The following GPHN variants were observed in gnomAD, a reference collection of about 807,000 sequenced individuals.
The protein encoded by GPHN is gephyrin.
GPHN carries 17 observed loss-of-function variants against 95.5 expected under a neutral mutation model. The ratio of observed to expected loss-of-function variants is 0.18; its 90% CI spans 0.12 to 0.27. The LOEUF is 0.27. Ranked by LOEUF, GPHN falls within the 10% of genes least tolerant of loss-of-function variation. The probability of loss-of-function intolerance (pLI) is 1.00; values close to 1 mark genes in which losing one functional copy is unlikely to be tolerated. For synonymous variants in GPHN, 320 were observed against 322.5 expected (o/e 0.99, Z 0.08); for missense variants, 660 against 978.1 (o/e 0.67, Z 4.34).
chr14:66,571,065 A>G (rs2060669392), intron 1 of GPHN, among the ~76,000 whole-genome samples: 1 of 152,214 alleles, frequency 6.6e-6, no homozygotes, highest in Non-Finnish European at 1.5e-5. Flanking sequence ...TGCTATAAAG[A>G]AATACCCAAG....
At chr14:67,044,479 T>C (rs2074888844) in intron 10 of GPHN, among the ~76,000 whole-genome samples, 1 of 152,154 alleles carries the variant, frequency 6.6e-6, no homozygotes, top group African/African-American at 2.4e-5. Flanking sequence ...AATTCACCAA[T>C]TTTTAGGAAG....
At position 66,548,922 on chromosome 14, in the gene GPHN, A is replaced by C. The variant is rs192131635; in HGVS notation, c.64+40331A>C. Among the ~76,000 whole-genome samples the C allele has an allele frequency of 1.2e-4, 18 of 152,346 alleles. 1 individual carries two copies. The East Asian group carries it at 3.5e-3, about 29-fold the overall frequency. ...ACTTCTGAGGATCTAAGAGAAAATA[A>C]CAAATTTTCATATTTCAGTTAAATT... On this transcript the variant is annotated intron_variant, in intron 1 of 22. Transcript: ENST00000478722.
chr14:67,568,669 C>CAACT, the GPHN span, among the ~76,000 whole-genome samples: 1 of 152,130 alleles, frequency 6.6e-6, no homozygotes, highest in Non-Finnish European at 1.5e-5. Context: ...AAGTTCCAAA[C>CAACT]AACTGGCTTA....
chr14:67,592,810 G>A, the GPHN span: 4 of 839,544 alleles, frequency 4.8e-6, no homozygotes, highest in Non-Finnish European at 7.7e-6. Context: ...TTTTGAGACA[G>A]AGTCTCTCTC....
At chr14:66,611,854 C>T (rs2062795583) in intron 1 of GPHN, among the ~76,000 whole-genome samples, 1 of 152,104 alleles carries the variant, frequency 6.6e-6, no homozygotes, top group Admixed American at 6.6e-5. Context: ...TGCTTCCATA[C>T]TATTCTTCAC....
chr14:67,539,688 GA>G, the GPHN span, among the ~76,000 whole-genome samples: 1 of 151,806 alleles, frequency 6.6e-6, no homozygotes, highest in Non-Finnish European at 1.5e-5. Flanking sequence ...ATTTTTTTTG[GA>G]TGGGTAAAGA....
chr14:67,203,019 C>T, the GPHN span: 25 of 1,472,180 alleles, frequency 1.7e-5, no homozygotes, highest in Non-Finnish European at 2.2e-5. Context: ...CCCTCTCTTA[C>T]ACTTCTCAGG....
the GPHN span, among the ~76,000 whole-genome samples, chr14:67,581,300 A>ACC: frequency 6.6e-6 from 1 of 151,750 alleles, no homozygotes; most frequent in South Asian, 2.1e-4. Flanking sequence ...ACACACACAC[A>ACC]AACATCTGCC....
intron 1 of GPHN, among the ~76,000 whole-genome samples, chr14:66,586,945 A>G (rs1398996273): frequency 6.6e-6 from 1 of 152,194 alleles, no homozygotes; most frequent in Non-Finnish European, 1.5e-5. Flanking sequence ...ACAATAGGAA[A>G]GATGAACAAA....
chr14:67,245,844 G>A, the GPHN span, among the ~76,000 whole-genome samples: 18 of 151,366 alleles, frequency 1.2e-4, no homozygotes, highest in Admixed American at 1.1e-3. Flanking sequence ...CTCAATCCAC[G>A]GTCAGAGAGA....
intron 9 of GPHN, among the ~76,000 whole-genome samples, chr14:66,977,093 T>A (rs1285971680): frequency 6.6e-6 from 1 of 152,202 alleles, no homozygotes; most frequent in African/African-American, 2.4e-5. Context: ...TAAATTCGTA[T>A]AACCTTTCAT....
the GPHN span, among the ~76,000 whole-genome samples, chr14:67,721,689 C>G: frequency 6.6e-6 from 1 of 151,528 alleles, no homozygotes; most frequent in Non-Finnish European, 1.5e-5. Context: ...TAGCATATGC[C>G]AGTTTCGTTT....
the GPHN span, chr14:67,573,871 G>C: frequency 6.2e-7 from 1 of 1,612,976 alleles, no homozygotes; most frequent in Non-Finnish European, 8.5e-7. The surrounding 1 kb of genome is among the most constrained non-coding windows in gnomAD (Gnocchi z 4.8). Flanking sequence ...CGAGGGGAGG[G>C]TTCACAGACG....
At chr14:67,398,088 C>T in the GPHN span, 1 of 330,078 alleles carries the variant, frequency 3.0e-6, no homozygotes, top group Non-Finnish European at 5.4e-6. Flanking sequence ...AAATCACTTC[C>T]TGTAATCCTA....
chr14:66,690,516 A>T (rs2067697786), intron 2 of GPHN, among the ~76,000 whole-genome samples: 1 of 152,080 alleles, frequency 6.6e-6, no homozygotes, highest in Admixed American at 6.6e-5. Context: ...CATTTGGGTG[A>T]TATTTTCTCT....
chr14:67,198,295 C>T, the GPHN span: 4 of 1,613,630 alleles, frequency 2.5e-6, no homozygotes, highest in South Asian at 3.3e-5. Flanking sequence ...GTATCTCCTC[C>T]CATGTTAGAG....
intron 3 of GPHN, among the ~76,000 whole-genome samples, chr14:66,801,553 C>G (rs1198427782): frequency 6.6e-6 from 1 of 151,736 alleles, no homozygotes; most frequent in Admixed American, 6.6e-5. Context: ...CTCATTCTCT[C>G]TCTCTCTCCC....
chr14:67,662,024 C>T, the GPHN span, among the ~76,000 whole-genome samples: 69 of 152,040 alleles, frequency 4.5e-4, no homozygotes, highest in African/African-American at 1.6e-3. Context: ...GGTGTGGTGG[C>T]GCCCACCTGT....
chr14:67,089,157 T>TTTTTTTTTTTTTTTTTTTTTG, intron 12 of GPHN, 82 bp downstream of exon 12: 1 of 502,736 alleles, frequency 2.0e-6, no homozygotes, highest in Non-Finnish European at 3.7e-6. Flanking sequence ...TTTTTTTTTT[T>TTTTTTTTTTTTTTTTTTTTTG]TCAAATTTTT....
Sources: gnomAD v4.1 joint callset for allele counts (sites outside exome capture counted in the v4.1 genomes callset) on GRCh38, gnomAD v4.1.1 for gene constraint, Gnocchi (gnomAD v3.1) non-coding constraint, MANE v1.5 for transcripts, NCBI Gene and HGNC (gene_info 2026-07-23, HGNC 2026-07-21) for gene names.